VPS13B: variants seen among roughly 807,000 people sequenced by gnomAD.
VPS13B encodes the protein vacuolar protein sorting 13 homolog B, also known as intermembrane lipid transfer protein VPS13B.
A neutral mutation model predicts 426.4 loss-of-function variants in VPS13B; 285 were observed. That is an observed-to-expected ratio of 0.67 (90% CI 0.61 to 0.74). VPS13B has a LOEUF of 0.74. Among genes scored for constraint, VPS13B ranks in the 30% least tolerant of loss-of-function variants. The pLI, the probability that VPS13B is intolerant of heterozygous loss-of-function variation, is 0.00. For synonymous variants in VPS13B, 1,676 were observed against 1,676.4 expected (o/e 1.00, Z 0.01); for missense variants, 4,537 against 4,782.6 (o/e 0.95, Z 1.51).
At position 99,361,328 on chromosome 8, in the gene VPS13B, T is replaced by G. The variant is rs184054867; in HGVS notation, c.2825-22880T>G. ...TGTCAAATCAGGAGTTAGCAAATTT[T>G]TAATAAAAGACCAGATAATTTTTTA... is the stretch of plus-strand genomic sequence containing the variant. On this transcript the variant is annotated intron_variant, in intron 19 of 61. Coordinates refer to ENST00000357162, the MANE Select transcript of VPS13B (RefSeq NM_152564.5). 1.7e-3 allele frequency among the ~76,000 whole-genome samples: 266 copies of G among 152,302 alleles called. 4 individuals carry two copies. Among genetic ancestry groups the G allele is most frequent in the Non-Finnish European group, 1.8e-3 (121 of 68,018 alleles).
At chr8:99,704,775 C>G (rs1832428818) in intron 36 of VPS13B, among the ~76,000 whole-genome samples, 2 of 152,086 alleles carry the variant, frequency 1.3e-5, no homozygotes, top group Admixed American at 1.3e-4. Context: ...GTAGCTTAAA[C>G]CCAACACTTA....
chr8:99,400,070 C>G (rs1037686925), intron 21 of VPS13B, among the ~76,000 whole-genome samples: 1 of 152,058 alleles, frequency 6.6e-6, no homozygotes, highest in African/African-American at 2.4e-5. Flanking sequence ...GTTTTGCTTT[C>G]TATTTTTACT....
chr8:99,394,239 C>A (rs1464627103), intron 21 of VPS13B, among the ~76,000 whole-genome samples: 3 of 152,060 alleles, frequency 2.0e-5, no homozygotes, highest in Non-Finnish European at 4.4e-5. Context: ...AAATTTATAT[C>A]ATCACAGCCT....
chr8:99,163,752 C>T (rs1811826223), intron 15 of VPS13B, among the ~76,000 whole-genome samples: 1 of 151,382 alleles, frequency 6.6e-6, no homozygotes, highest in Non-Finnish European at 1.5e-5. Context: ...AAGCGCCGCA[C>T]ACAGCCCCGG....
intron 35 of VPS13B, among the ~76,000 whole-genome samples, chr8:99,665,033 C>G (rs1283919180): frequency 6.6e-6 from 1 of 152,188 alleles, no homozygotes; most frequent in East Asian, 1.9e-4. Context: ...GATGGTATCT[C>G]ATTGCGGTTT....
chr8:99,218,748 A>C (rs1338970441), intron 17 of VPS13B, among the ~76,000 whole-genome samples: 1 of 152,200 alleles, frequency 6.6e-6, no homozygotes, highest in African/African-American at 2.4e-5. Flanking sequence ...GTGGGAATGA[A>C]ATAAGTTTGA....
intron 44 of VPS13B, among the ~76,000 whole-genome samples, chr8:99,816,917 C>A (rs1045679014): frequency 6.6e-6 from 1 of 152,110 alleles, no homozygotes; most frequent in African/African-American, 2.4e-5. Flanking sequence ...GTGAAATAAA[C>A]CCTTGAAAAT....
In VPS13B at chr8:99,819,930, G is replaced by A; in HGVS notation, c.8802G>A (p.Gln2934=). Residue 2934 remains glutamine (Q), a synonymous_variant, in exon 49 of 62, where the codon CAG becomes CAA. Transcript: ENST00000357162. ...GTGGTTTTTGGAACAGGAATGAACAGCTAAGTCAGTGGGATAGCCCAATGC... is the reference window on the plus strand; with the variant it reads ...GTGGTTTTTGGAACAGGAATGAACAACTAAGTCAGTGGGATAGCCCAATGC... ...YNKKDSDRNE[Q]LSQWDSPMRV... 1 of 1,613,936 alleles carries A rather than the reference G, an allele frequency of 6.2e-7. No individual in the cohort carries two copies. The highest frequency in any genetic ancestry group is 1.3e-5 in the African/African-American group (1 of 75,030).
intron 17 of VPS13B, among the ~76,000 whole-genome samples, chr8:99,267,016 C>G (rs770190737): frequency 6.6e-6 from 1 of 152,046 alleles, no homozygotes; most frequent in East Asian, 1.9e-4. Context: ...GGGTAACAGA[C>G]AGAGATTGGA....
At chr8:99,508,557 G>A (rs1821624833) in intron 28 of VPS13B, among the ~76,000 whole-genome samples, 1 of 152,040 alleles carries the variant, frequency 6.6e-6, no homozygotes, top group African/African-American at 2.4e-5. Flanking sequence ...GCTTTTACTA[G>A]CAATAGTCTT....
At chr8:99,580,871 A>G (rs1341433230) in intron 33 of VPS13B, among the ~76,000 whole-genome samples, 2 of 151,716 alleles carry the variant, frequency 1.3e-5, no homozygotes, top group African/African-American at 2.4e-5. Context: ...TAAAAGGAAG[A>G]TTAAAAATTA....
At chr8:99,122,186 G>A (rs1444156123) in intron 8 of VPS13B, among the ~76,000 whole-genome samples, 1 of 151,076 alleles carries the variant, frequency 6.6e-6, no homozygotes, top group East Asian at 1.9e-4. Context: ...TTAAAGGATT[G>A]TTTACATATA....
At chr8:99,335,904 A>T (rs1161135854) in intron 19 of VPS13B, among the ~76,000 whole-genome samples, 5 of 152,232 alleles carry the variant, frequency 3.3e-5, no homozygotes, top group Admixed American at 1.3e-4. Flanking sequence ...GCTCATGGGT[A>T]GGAAGAATCA....
chr8:99,221,531 A>G (rs1815723091), intron 17 of VPS13B, among the ~76,000 whole-genome samples: 1 of 152,254 alleles, frequency 6.6e-6, no homozygotes, highest in Non-Finnish European at 1.5e-5. Flanking sequence ...TTATGAATAT[A>G]TCTTTGAAGT....
At position 99,681,138 on chromosome 8, in the gene VPS13B, G is replaced by A. The variant is rs1588618039; in HGVS notation, c.6047-18387G>A. ...AACTGGCTAGATCAAGGATGTGAAA[G>A]TTCAGAGAAACATGTTGATGTACTT... is the stretch of plus-strand genomic sequence containing the variant. On this transcript the variant is annotated intron_variant, in intron 35 of 61. Coordinates refer to ENST00000357162, the MANE Select transcript of VPS13B (RefSeq NM_152564.5). 2.0e-5 allele frequency among the ~76,000 whole-genome samples: 3 copies of A among 152,282 alleles called. No homozygotes were observed. In the East Asian group the frequency reaches 5.8e-4, roughly 29 times the overall value.
At chr8:99,575,913 T>C (rs1190131332) in intron 32 of VPS13B, 129 bp downstream of exon 32, 1 of 912,846 alleles carries the variant, frequency 1.1e-6, no homozygotes, top group African/African-American at 1.7e-5. Context: ...GCTACTATCA[T>C]AGCTAACATT....
At chr8:99,330,259 T>C (rs1275355514) in intron 19 of VPS13B, among the ~76,000 whole-genome samples, 1 of 151,878 alleles carries the variant, frequency 6.6e-6, no homozygotes, top group African/African-American at 2.4e-5. Context: ...ATATATAATA[T>C]TAAAAATAGT....
At chr8:99,454,568 G>A (rs1045488835) in intron 23 of VPS13B, among the ~76,000 whole-genome samples, 7 of 152,124 alleles carry the variant, frequency 4.6e-5, no homozygotes, top group African/African-American at 1.2e-4. Flanking sequence ...CCAAGTGTTG[G>A]CAATTTTAAA....
intron 21 of VPS13B, among the ~76,000 whole-genome samples, chr8:99,398,602 G>A (rs1437196582): frequency 6.6e-6 from 1 of 152,118 alleles, no homozygotes; most frequent in Non-Finnish European, 1.5e-5. Flanking sequence ...GAGACAAGGA[G>A]ACAAAATTGG....
Sources: allele counts gnomAD v4.1 joint callset (sites outside exome capture counted in the v4.1 genomes callset), GRCh38; gene constraint gnomAD v4.1.1; transcripts MANE v1.5; gene names NCBI Gene and HGNC (gene_info 2026-07-23, HGNC 2026-07-21).